The following SIK3 variants were observed in gnomAD, a reference collection of about 807,000 sequenced individuals.
The protein encoded by SIK3 is serine/threonine-protein kinase SIK3.
SIK3 carries 28 observed loss-of-function variants against 144.2 expected under a neutral mutation model. The ratio of observed to expected loss-of-function variants is 0.19; its 90% confidence interval spans 0.14 to 0.27. The LOEUF is 0.27. Among genes scored for constraint, SIK3 ranks in the 10% least tolerant of loss-of-function variants. The probability of loss-of-function intolerance (pLI) is 1.00; values close to 1 mark genes in which losing one functional copy is unlikely to be tolerated. For missense variants in SIK3, 1,319 were observed against 1,776.0 expected (o/e 0.74, Z 4.62); for synonymous variants, 686 against 676.3 (o/e 1.01, Z -0.22).
intron 6 of SIK3, among the ~76,000 whole-genome samples, chr11:116,882,204 G>A (rs552977117): frequency 6.6e-6 from 1 of 152,326 alleles, no homozygotes; most frequent in South Asian, 2.1e-4. Context: ...GAGACGGCAA[G>A]TTGGATGGAT....
chr11:117,034,995 T>C (rs1171454427), intron 1 of SIK3, among the ~76,000 whole-genome samples: 2 of 152,216 alleles, frequency 1.3e-5, no homozygotes, highest in Non-Finnish European at 2.9e-5. Flanking sequence ...CTGCAAATAA[T>C]GCAATGATAA....
chr11:117,091,692 TA>T (rs1955255474), intron 1 of SIK3, among the ~76,000 whole-genome samples: 2 of 152,338 alleles, frequency 1.3e-5, no homozygotes, highest in South Asian at 4.1e-4. Context: ...TATAAGTTGT[TA>T]AAACTGAACT....
rs1362705485 is a variant in SIK3, at chr11:116,868,147, CAAG to C, written c.1809-61_1809-59del. ...AAAGACAGACAGGAATATTCCTCCACAAGAAGCATTAGAAGTTAATCCAAAGCA... is the reference window on the plus strand; with the variant it reads ...AAAGACAGACAGGAATATTCCTCCACAAGCATTAGAAGTTAATCCAAAGCA... On this transcript the variant is annotated intron_variant, in intron 14 of 24. Transcript: ENST00000445177. 2.6e-6 allele frequency: 4 copies of C among 1,546,664 alleles called. No individual in the cohort carries two copies. In the Admixed American group the frequency reaches 7.8e-5, roughly 30 times the overall value.
At chr11:116,845,900 A>G (rs1349858487) in intron 24 of SIK3, among the ~76,000 whole-genome samples, 1 of 152,130 alleles carries the variant, frequency 6.6e-6, no homozygotes, top group African/African-American at 2.4e-5. Flanking sequence ...TCTTTCTACC[A>G]TGGGCCTCTC....
intron 21 of SIK3, chr11:116,855,672 C>G (rs1942852280): frequency 6.6e-6 from 1 of 152,248 alleles, no homozygotes; most frequent in Admixed American, 6.5e-5. Context: ...TCCTCAGTGC[C>G]CTGCACACCC....
chr11:116,907,865 G>C (rs1322966289), intron 4 of SIK3, among the ~76,000 whole-genome samples: 2 of 151,576 alleles, frequency 1.3e-5, no homozygotes, highest in African/African-American at 4.9e-5. Flanking sequence ...AGTGGCACAG[G>C]AACAACTCGT....
chr11:116,952,775 CTTAA>C (rs750699954), intron 3 of SIK3, among the ~76,000 whole-genome samples: 2 of 152,172 alleles, frequency 1.3e-5, no homozygotes, highest in African/African-American at 2.4e-5. Flanking sequence ...AAACCAGTGT[CTTAA>C]TTGAGTCAGC....
intron 4 of SIK3, among the ~76,000 whole-genome samples, chr11:116,920,718 T>C (rs980520825): frequency 2.0e-5 from 3 of 152,162 alleles, no homozygotes; most frequent in Non-Finnish European, 4.4e-5. Context: ...AATATTTATG[T>C]CCTTTATCAG....
chr11:117,057,817 C>T (rs144310443), intron 1 of SIK3, among the ~76,000 whole-genome samples: 94 of 152,270 alleles, frequency 6.2e-4, no homozygotes, highest in African/African-American at 1.9e-3. Context: ...CTAGGTCCTA[C>T]TTATTTACCC....
chr11:117,033,624 G>C (rs1322602278), intron 1 of SIK3, among the ~76,000 whole-genome samples: 1 of 151,300 alleles, frequency 6.6e-6, no homozygotes, highest in Non-Finnish European at 1.5e-5. Flanking sequence ...CAGGAGAATG[G>C]TGTGAAGCCA....
At chr11:117,090,954 G>T (rs1955215881) in intron 1 of SIK3, among the ~76,000 whole-genome samples, 1 of 152,184 alleles carries the variant, frequency 6.6e-6, no homozygotes. Flanking sequence ...AATTGGTATA[G>T]GTGTATCTCG....
chr11:117,077,861 G>C (rs912385633), intron 1 of SIK3, among the ~76,000 whole-genome samples: 7 of 152,078 alleles, frequency 4.6e-5, no homozygotes, highest in Non-Finnish European at 1.0e-4. Flanking sequence ...TTAATTCCAG[G>C]GTGGAGACTA....
chr11:116,944,716 A>G (rs1320572474), intron 3 of SIK3, among the ~76,000 whole-genome samples: 2 of 152,168 alleles, frequency 1.3e-5, no homozygotes, highest in Non-Finnish European at 2.9e-5. Context: ...AACCGGGAGT[A>G]TATTAGCTTT....
intron 14 of SIK3, chr11:116,870,050 T>C (rs749967294): frequency 3.8e-6 from 5 of 1,311,152 alleles, no homozygotes; most frequent in Non-Finnish European, 5.1e-6. Context: ...AGAGTTGCAA[T>C]ATGAAGGCAG....
intron 1 of SIK3, among the ~76,000 whole-genome samples, chr11:117,059,981 C>A (rs900572893): frequency 6.6e-6 from 1 of 152,210 alleles, no homozygotes; most frequent in Admixed American, 6.5e-5. Flanking sequence ...ACTATATGAT[C>A]ACGCAGTTCT....
chr11:117,073,588 G>T (rs73576634), intron 1 of SIK3, among the ~76,000 whole-genome samples: 8,517 of 152,222 alleles, frequency 0.056, 524 homozygotes, highest in African/African-American at 0.15. Flanking sequence ...AGGCTAGCAA[G>T]AATTATATGA....
chr11:117,051,075 A>G (rs536589317), intron 1 of SIK3, among the ~76,000 whole-genome samples: 2 of 152,344 alleles, frequency 1.3e-5, no homozygotes, highest in South Asian at 4.1e-4. Flanking sequence ...ACACTCACCA[A>G]TGAGGGTGGG....
At chr11:116,981,793 G>A (rs1950148588) in intron 1 of SIK3, among the ~76,000 whole-genome samples, 1 of 152,128 alleles carries the variant, frequency 6.6e-6, no homozygotes, top group East Asian at 1.9e-4. Flanking sequence ...CAGGAGGACT[G>A]CTTGAGCCTA....
intron 1 of SIK3, among the ~76,000 whole-genome samples, chr11:117,012,910 G>A (rs1436803517): frequency 2.2e-5 from 3 of 137,478 alleles, no homozygotes; most frequent in Non-Finnish European, 3.1e-5. Context: ...GGAGTGCAGC[G>A]GCGTGATCTC....
Sources: gnomAD v4.1 joint callset for allele counts (sites outside exome capture counted in the v4.1 genomes callset) on GRCh38, gnomAD v4.1.1 for gene constraint, MANE v1.5 for transcripts, NCBI Gene and HGNC (gene_info 2026-07-23, HGNC 2026-07-21) for gene names.